Variants in NLGN4X observed in about 807,000 individuals in gnomAD.
NLGN4X encodes neuroligin 4 X-linked, also known as neuroligin-4, X-linked.
A neutral mutation model predicts 40.3 loss-of-function variants in NLGN4X; 3 were observed. The observed-to-expected ratio is 0.07, with a 90% CI of 0.03 to 0.19. The LOEUF (loss-of-function observed/expected upper bound fraction) is 0.19. Among genes scored for constraint, NLGN4X ranks in the 10% least tolerant of loss-of-function variants. NLGN4X has a pLI of 1.00. For missense variants in NLGN4X, 382 were observed against 708.3 expected (o/e 0.54, Z 5.23); for synonymous variants, 270 against 306.8 (o/e 0.88, Z 1.25).
intron 3 of NLGN4X, among the ~76,000 whole-genome samples, chrX:5,952,844 TG>T (rs1420062315): frequency 9.0e-6 from 1 of 110,908 alleles, no homozygotes; most frequent in Non-Finnish European, 1.9e-5. Flanking sequence ...AAATTGTACA[TG>T]TCCCGCACCT....
intron 3 of NLGN4X, among the ~76,000 whole-genome samples, chrX:6,025,891 C>T (rs1224545560): frequency 2.2e-5 from 2 of 89,599 alleles, no homozygotes; most frequent in Non-Finnish European, 4.3e-5. Context: ...GCAATAAAAG[C>T]GAGACTCCAT....
At chrX:5,985,154 C>A (rs1211388515) in intron 3 of NLGN4X, among the ~76,000 whole-genome samples, 2 of 111,825 alleles carry the variant, frequency 1.8e-5, no homozygotes, top group Non-Finnish European at 3.8e-5. Context: ...TATTAAGGAT[C>A]TGTGTTGTAA....
At chrX:6,179,375 G>A (rs972927273) in intron 1 of NLGN4X, among the ~76,000 whole-genome samples, 1 of 111,793 alleles carries the variant, frequency 8.9e-6, no homozygotes, top group African/African-American at 3.3e-5. Flanking sequence ...ACAAGGCTTT[G>A]GGTCATATTG....
In NLGN4X at chrX:6,151,479, C is replaced by T. The variant is rs1450082008; in HGVS notation, c.-13G>A. 2 of 1,172,233 alleles carry T rather than the reference C, an allele frequency of 1.7e-6. No homozygotes were observed. Among genetic ancestry groups the T allele is most frequent in the South Asian group, 3.6e-5 (2 of 55,953 alleles). ...GGGGCCGTGACATGGTTCAAATCTG[C>T]ATCCACATCCACAGCTGTCCCAGTG... On this transcript the variant is annotated 5_prime_UTR_variant, in exon 2 of 6. It removes an upstream start codon present in the reference 5' UTR. Transcript: ENST00000381095.
intron 2 of NLGN4X, among the ~76,000 whole-genome samples, chrX:6,068,857 A>G (rs2037988799): frequency 8.9e-6 from 1 of 112,399 alleles, no homozygotes; most frequent in Admixed American, 9.4e-5. Flanking sequence ...AGAAAATCAA[A>G]TTACATAGTT....
intron 3 of NLGN4X, among the ~76,000 whole-genome samples, chrX:5,997,904 C>T (rs1341884229): frequency 9.0e-6 from 1 of 111,024 alleles, no homozygotes; most frequent in African/African-American, 3.3e-5. Context: ...GAACTCCCAT[C>T]TGTTGCTCAT....
At chrX:5,976,494 C>A (rs143446831) in intron 3 of NLGN4X, among the ~76,000 whole-genome samples, 5 of 111,947 alleles carry the variant, frequency 4.5e-5, no homozygotes, top group African/African-American at 6.5e-5. Context: ...CCCTCTCTCC[C>A]GCTGTGAAAT....
intron 1 of NLGN4X, among the ~76,000 whole-genome samples, chrX:6,155,719 T>C (rs2040248937): frequency 8.9e-6 from 1 of 112,617 alleles, no homozygotes; most frequent in African/African-American, 3.2e-5. Flanking sequence ...CTAATTTGCC[T>C]TTTGTCAAAT....
chrX:6,168,587 T>C (rs2040541876), intron 1 of NLGN4X, among the ~76,000 whole-genome samples: 1 of 111,596 alleles, frequency 9.0e-6, no homozygotes, highest in Non-Finnish European at 1.9e-5. Flanking sequence ...CTCCTGCTGG[T>C]CTCAGCCCCA....
chrX:5,968,783 C>T (rs1601968563), intron 3 of NLGN4X, among the ~76,000 whole-genome samples: 1 of 109,228 alleles, frequency 9.2e-6, no homozygotes, highest in East Asian at 2.9e-4. Context: ...CAGTTCAACA[C>T]TCCAGACTTA....
At chrX:6,203,344 G>A (rs1923783081) in intron 1 of NLGN4X, among the ~76,000 whole-genome samples, 2 of 112,100 alleles carry the variant, frequency 1.8e-5, no homozygotes, top group Admixed American at 9.5e-5. Context: ...ACCTCCTTTG[G>A]AAGAGCTTCT....
intron 2 of NLGN4X, among the ~76,000 whole-genome samples, chrX:6,068,584 CTAAAAAT>C (rs1422827188): frequency 8.9e-6 from 1 of 111,749 alleles, no homozygotes; most frequent in Non-Finnish European, 1.9e-5. Context: ...GAAAATAAAA[CTAAAAAT>C]TAAACGATGA....
rs1924786328 is a variant in NLGN4X at position 6,213,335 on chromosome X, A to C, written c.-306+15206T>G. Among the ~76,000 whole-genome samples the C allele has an allele frequency of 2.7e-5, 3 of 111,903 alleles. No homozygotes were observed. In the South Asian group the frequency reaches 1.1e-3, roughly 42 times the overall value. ...AAAACTATTAAGGTCATGAAAAACA[A>C]GGAAAAACTGAGAAACTGTCACAGA... is the stretch of plus-strand genomic sequence containing the variant. On this transcript the variant is annotated intron_variant, in intron 1 of 5. Coordinates refer to ENST00000381095, the MANE Select transcript of NLGN4X (RefSeq NM_181332.3).
intron 3 of NLGN4X, among the ~76,000 whole-genome samples, chrX:5,975,612 C>CAAAAAAAAA (rs60917858): frequency 1.0e-3 from 55 of 53,873 alleles, no homozygotes; most frequent in African/African-American, 3.4e-3. Context: ...GACTCCGTTT[C>CAAAAAAAAA]AAAAAAAAAA....
At chrX:6,003,106 C>T (rs961846440) in intron 3 of NLGN4X, among the ~76,000 whole-genome samples, 4 of 111,523 alleles carry the variant, frequency 3.6e-5, no homozygotes, top group African/African-American at 9.8e-5. Flanking sequence ...AGAGAGACCT[C>T]GGGGTGTATA....
At chrX:6,021,400 C>G (rs749261797) in intron 3 of NLGN4X, among the ~76,000 whole-genome samples, 3 of 110,578 alleles carry the variant, frequency 2.7e-5, no homozygotes, top group Non-Finnish European at 5.7e-5. Flanking sequence ...CCACTGCAGT[C>G]GTCCCCATCT....
chrX:5,980,678 T>C (rs2035360582), intron 3 of NLGN4X, among the ~76,000 whole-genome samples: 1 of 110,266 alleles, frequency 9.1e-6, no homozygotes, highest in Non-Finnish European at 1.9e-5. Flanking sequence ...AGAATTACCT[T>C]TGAATCTCCT....
Position 5,893,438 on chromosome X carries a change from G to A in NLGN4X, c.1830C>T (p.Thr610=), listed in dbSNP as rs1243625981. 8.3e-7 allele frequency: 1 copy of A among 1,206,920 alleles called. No homozygotes were observed. The highest frequency in any genetic ancestry group is 1.8e-5 in the African/African-American group (1 of 55,903). ...TCATGTCTGGTGGAGGAACCTTTGT[G>A]GTTGTTGAAACATACTGGAATATCT... ...LNEIFQYVST[T]TKVPPPDMTS... is the part of the protein sequence containing the mutation. The change falls in exon 6 of 6, where the codon ACC becomes ACT. Residue 610 remains threonine (T), a synonymous_variant. Coordinates refer to ENST00000381095, the MANE Select transcript of NLGN4X (RefSeq NM_181332.3).
At chrX:6,142,680 A>G (rs1460622631) in intron 2 of NLGN4X, among the ~76,000 whole-genome samples, 1 of 112,250 alleles carries the variant, frequency 8.9e-6, no homozygotes, top group Non-Finnish European at 1.9e-5. Flanking sequence ...AGAGAAAGAA[A>G]ATTAATTTCT....
Sources: gnomAD v4.1 joint callset for allele counts (sites outside exome capture counted in the v4.1 genomes callset) on GRCh38, gnomAD v4.1.1 for gene constraint, MANE v1.5 for transcripts, NCBI Gene and HGNC (gene_info 2026-07-23, HGNC 2026-07-21) for gene names.